WDR35: variants seen among roughly 807,000 people sequenced by gnomAD.
WDR35 encodes WD repeat-containing protein 35.
In WDR35, 118 loss-of-function variants were observed where a neutral mutation model predicts 158.3. The ratio of observed to expected loss-of-function variants is 0.75; its 90% CI spans 0.64 to 0.87. The LOEUF is 0.87. Among genes scored for constraint, WDR35 ranks in the 40% least tolerant of loss-of-function variants. The pLI is 0.00. For synonymous variants in WDR35, 448 were observed against 476.1 expected, an observed-to-expected ratio of 0.94 and a Z score of 0.77; for missense variants, 1,263 against 1,405.8, an observed-to-expected ratio of 0.90 and a Z score of 1.62.
intron 2 of WDR35, among the ~76,000 whole-genome samples, chr2:19,986,892 C>G (rs1672582144): frequency 6.6e-6 from 1 of 152,108 alleles, no homozygotes; most frequent in African/African-American, 2.4e-5. Context: ...ACACACTCTT[C>G]GATCCAGTGA....
intron 12 of WDR35, among the ~76,000 whole-genome samples, chr2:19,952,343 G>A (rs189049005): frequency 9.2e-5 from 14 of 152,252 alleles, no homozygotes; most frequent in Admixed American, 1.3e-4. Flanking sequence ...TGTCTGGCAC[G>A]TAAGAAGTAC....
chr2:19,941,388 G>A (rs191560731), intron 17 of WDR35, among the ~76,000 whole-genome samples: 24 of 152,172 alleles, frequency 1.6e-4, no homozygotes, highest in Admixed American at 1.6e-3. Flanking sequence ...TCAGTACCTC[G>A]TTATTACTAC....
chr2:19,923,855 A>T (rs1446230301), intron 25 of WDR35, among the ~76,000 whole-genome samples: 1 of 152,224 alleles, frequency 6.6e-6, no homozygotes, highest in Non-Finnish European at 1.5e-5. Context: ...GCTATAAATC[A>T]GTATGGACCA....
intron 2 of WDR35, among the ~76,000 whole-genome samples, chr2:19,987,019 A>G (rs936832109): frequency 2.6e-5 from 4 of 152,256 alleles, no homozygotes; most frequent in African/African-American, 9.6e-5. Context: ...TCCAATACTA[A>G]AATTGGTTAA....
At chr2:19,978,673 GTAAC>G in intron 5 of WDR35, 74 bp downstream of exon 5, 1 of 1,596,058 alleles carries the variant, frequency 6.3e-7, no homozygotes, top group Non-Finnish European at 8.6e-7. Flanking sequence ...CTAACATATG[GTAAC>G]TAACTTAAAT....
intron 12 of WDR35, among the ~76,000 whole-genome samples, 160 bp downstream of exon 12, chr2:19,953,674 A>G (rs1671322346): frequency 6.6e-6 from 1 of 152,200 alleles, no homozygotes; most frequent in Non-Finnish European, 1.5e-5. Flanking sequence ...TTATTTTAAT[A>G]AATTTAAACA....
chr2:19,942,752 T>G (rs1670919699), intron 16 of WDR35, among the ~76,000 whole-genome samples: 2 of 152,148 alleles, frequency 1.3e-5, no homozygotes, highest in Admixed American at 1.3e-4. Flanking sequence ...TTTTAAAAAT[T>G]CAACTTCTGC....
rs2103375718 is a variant in WDR35 at position 19,912,094 on chromosome 2, C to T, written c.*1464G>A. The stretch of plus-strand genomic sequence containing the variant: ...CAGAATGTGAGTCAGGACATAAAAA[C>T]ATTACAAAACCCAGGATTCAGGTGT... On this transcript the variant is annotated 3_prime_UTR_variant, in exon 27 of 27. Transcript: ENST00000281405. 6.6e-6 allele frequency: 1 copy of T among 152,330 alleles called. No homozygotes were observed. Among genetic ancestry groups the T allele is most frequent in the South Asian group, 2.1e-4 (1 of 4,822 alleles). 9.4% of individuals were successfully genotyped at this position (152,330 alleles called of 1,614,324 possible).
chr2:19,931,209 C>CTTTTTTTTTTT, intron 24 of WDR35, 60 bp downstream of exon 24: 2 of 1,225,642 alleles, frequency 1.6e-6, no homozygotes, highest in East Asian at 2.8e-5. Context: ...TTAATAGTTT[C>CTTTTTTTTTTT]TTTTTTTTTT....
chr2:19,930,308 G>C, intron 25 of WDR35, 88 bp downstream of exon 25: 1 of 1,569,924 alleles, frequency 6.4e-7, no homozygotes, highest in Non-Finnish European at 8.7e-7. Flanking sequence ...GTTATTGAAG[G>C]CCACATAAAG....
Position 19,982,536 on chromosome 2 carries a change from T to C in WDR35, c.143-2A>G, listed in dbSNP as rs1558361253. The C allele has an allele frequency of 6.2e-7, 1 of 1,613,462 alleles. No individual in the cohort carries two copies. Among genetic ancestry groups the C allele is most frequent in the African/African-American group, 1.3e-5 (1 of 75,018 alleles). On this transcript the variant is annotated splice_acceptor_variant, in intron 2 of 26. Coordinates refer to ENST00000281405, the MANE Select transcript of WDR35 (RefSeq NM_020779.4). LOFTEE classifies it high-confidence loss of function. The stretch of plus-strand genomic sequence containing the variant: ...CAAGGCCCCTCAATTTTGCATCATC[T>C]AAAACAAAACAAAACAAACTACTAT...
chr2:19,944,057 T>C (rs1356486695), intron 16 of WDR35, among the ~76,000 whole-genome samples: 4 of 151,994 alleles, frequency 2.6e-5, no homozygotes, highest in Non-Finnish European at 2.9e-5. Flanking sequence ...AAAACAGATC[T>C]TCCCTGCTTT....
At chr2:19,930,813 C>A (rs187389820) in intron 24 of WDR35, among the ~76,000 whole-genome samples, 9 of 152,244 alleles carry the variant, frequency 5.9e-5, no homozygotes, top group African/African-American at 2.2e-4. Context: ...TCACTGAGAT[C>A]ACTGGTGTGA....
At chr2:19,923,240 C>T (rs184457089) in intron 25 of WDR35, among the ~76,000 whole-genome samples, 4 of 152,218 alleles carry the variant, frequency 2.6e-5, no homozygotes, top group East Asian at 3.9e-4. Context: ...AGGGTCTCCC[C>T]GACCGAGCTG....
chr2:19,975,174 T>G (rs986990621), intron 6 of WDR35, among the ~76,000 whole-genome samples: 11 of 152,206 alleles, frequency 7.2e-5, no homozygotes, highest in Admixed American at 5.2e-4. Flanking sequence ...CCCTGTGGTA[T>G]CTACATGTAA....
chr2:19,981,782 G>C (rs910874426), intron 3 of WDR35, among the ~76,000 whole-genome samples: 4 of 152,112 alleles, frequency 2.6e-5, no homozygotes, highest in Non-Finnish European at 4.4e-5. Flanking sequence ...GCCTCCCAAA[G>C]TGCTTGAACT....
intron 10 of WDR35, among the ~76,000 whole-genome samples, chr2:19,965,614 C>T (rs997963977): frequency 4.6e-5 from 7 of 152,258 alleles, no homozygotes; most frequent in Admixed American, 6.5e-5. Context: ...AAACTTTTAA[C>T]GTAATTGTCC....
chr2:19,970,955 C>A (rs1440662434), intron 8 of WDR35, among the ~76,000 whole-genome samples: 1 of 152,182 alleles, frequency 6.6e-6, no homozygotes. Flanking sequence ...ATTCACATTT[C>A]TTTCCCTTTC....
chr2:19,963,153 C>T (rs1022035056), intron 10 of WDR35, among the ~76,000 whole-genome samples: 3 of 152,170 alleles, frequency 2.0e-5, no homozygotes, highest in Non-Finnish European at 1.5e-5. Flanking sequence ...CACACAGGGG[C>T]ACCTTTCCAT....
Sources: allele counts gnomAD v4.1 joint callset (sites outside exome capture counted in the v4.1 genomes callset), GRCh38; gene constraint gnomAD v4.1.1; transcripts MANE v1.5; gene names NCBI Gene and HGNC (gene_info 2026-07-23, HGNC 2026-07-21).